The following TOP6BL variants were observed in gnomAD, a reference collection of about 807,000 sequenced individuals.
TOP6BL encodes type 2 DNA topoisomerase 6 subunit B-like.
the TOP6BL span, among the ~76,000 whole-genome samples, chr11:66,787,971 A>G: frequency 2.6e-4 from 39 of 152,360 alleles, no homozygotes; most frequent in African/African-American, 9.1e-4. Flanking sequence ...TCCTAATCCC[A>G]TAAAGTAATT....
chr11:66,826,411 G>C, the TOP6BL span, among the ~76,000 whole-genome samples: 1 of 152,042 alleles, frequency 6.6e-6, no homozygotes, highest in Non-Finnish European at 1.5e-5. Flanking sequence ...TGCTTATATA[G>C]TGGTTCAGTT....
chr11:66,841,966 A>T, the TOP6BL span, among the ~76,000 whole-genome samples: 16 of 152,132 alleles, frequency 1.1e-4, no homozygotes, highest in Non-Finnish European at 1.9e-4. Context: ...TAATACCGTC[A>T]CTTTGGGGAG....
chr11:66,838,221 G>C, the TOP6BL span: 3 of 643,080 alleles, frequency 4.7e-6, no homozygotes, highest in Non-Finnish European at 8.2e-6. Context: ...GGTGGGTAGG[G>C]GGATTCATGA....
At chr11:66,804,978 A>T in the TOP6BL span, among the ~76,000 whole-genome samples, 2 of 152,146 alleles carry the variant, frequency 1.3e-5, no homozygotes. Flanking sequence ...GAGGCAGGAT[A>T]ATCACTTGAA....
the TOP6BL span, among the ~76,000 whole-genome samples, chr11:66,805,707 G>A: frequency 1.3e-5 from 2 of 151,972 alleles, no homozygotes; most frequent in South Asian, 2.1e-4. Flanking sequence ...CACCAGGCTC[G>A]GCCTCCCAAA....
At chr11:66,817,068 T>G in the TOP6BL span, among the ~76,000 whole-genome samples, 2 of 152,008 alleles carry the variant, frequency 1.3e-5, no homozygotes, top group African/African-American at 4.8e-5. Context: ...CAGGAGAATC[T>G]CTTGAACCCA....
the TOP6BL span, among the ~76,000 whole-genome samples, chr11:66,816,824 T>C: frequency 6.6e-6 from 1 of 152,152 alleles, no homozygotes; most frequent in Non-Finnish European, 1.5e-5. Context: ...GTAATCTTCC[T>C]TCCTCGGCAT....
the TOP6BL span, chr11:66,804,041 C>G: frequency 6.2e-7 from 1 of 1,613,358 alleles, no homozygotes; most frequent in Non-Finnish European, 8.5e-7. Context: ...CAGAATTCAC[C>G]CTGTGCTAGG....
the TOP6BL span, among the ~76,000 whole-genome samples, chr11:66,784,567 CA>C: frequency 3.3e-5 from 5 of 152,226 alleles, no homozygotes; most frequent in Non-Finnish European, 7.3e-5. Context: ...TATGCCTTGG[CA>C]AACACTAATC....
the TOP6BL span, among the ~76,000 whole-genome samples, chr11:66,798,335 C>G: frequency 2.6e-5 from 4 of 152,182 alleles, no homozygotes; most frequent in Admixed American, 2.6e-4. Flanking sequence ...TGTGGTGGCT[C>G]ACACCTGTAA....
At chr11:66,772,770 A>C in the TOP6BL span, among the ~76,000 whole-genome samples, 1 of 152,196 alleles carries the variant, frequency 6.6e-6, no homozygotes, top group South Asian at 2.1e-4. Flanking sequence ...ATTTGCCATA[A>C]TTTTATTAAG....
chr11:66,836,713 T>TG, the TOP6BL span, among the ~76,000 whole-genome samples: 2 of 146,600 alleles, frequency 1.4e-5, no homozygotes, highest in African/African-American at 5.0e-5. Context: ...TTTTTTTTTT[T>TG]TTTTTGAGAT....
At chr11:66,781,932 A>G in the TOP6BL span, among the ~76,000 whole-genome samples, 2 of 152,270 alleles carry the variant, frequency 1.3e-5, no homozygotes, top group Middle Eastern at 3.4e-3. Flanking sequence ...ATACTGGGCA[A>G]TATGATCATA....
the TOP6BL span, among the ~76,000 whole-genome samples, chr11:66,837,262 G>C: frequency 6.6e-6 from 1 of 151,714 alleles, no homozygotes; most frequent in Admixed American, 6.6e-5. Flanking sequence ...GCATAGCTGG[G>C]ACTACAGGCG....
the TOP6BL span, among the ~76,000 whole-genome samples, chr11:66,825,616 T>G: frequency 1.3e-5 from 2 of 152,122 alleles, no homozygotes; most frequent in Non-Finnish European, 1.5e-5. Context: ...GCTGGCACTT[T>G]AATTTCAGAT....
chr11:66,752,142 CTTTTTT>C, the TOP6BL span, among the ~76,000 whole-genome samples: 1 of 137,902 alleles, frequency 7.3e-6, no homozygotes, highest in South Asian at 2.3e-4. Context: ...CCCTCTCTCT[CTTTTTT>C]TTTTTTTTTT....
chr11:66,769,604 A>G, the TOP6BL span, among the ~76,000 whole-genome samples: 4 of 152,136 alleles, frequency 2.6e-5, no homozygotes, highest in Non-Finnish European at 4.4e-5. Flanking sequence ...TTCATATGGT[A>G]AAGCCCCAAC....
At chr11:66,822,645 T>G in the TOP6BL span, 1 of 1,551,386 alleles carries the variant, frequency 6.4e-7, no homozygotes, top group Non-Finnish European at 8.7e-7. Context: ...TAGGAGCAGC[T>G]TCCGAAAGAT....
the TOP6BL span, among the ~76,000 whole-genome samples, chr11:66,793,446 T>TG: frequency 2.8e-3 from 387 of 137,250 alleles, 3 homozygotes; most frequent in African/African-American, 0.011. Context: ...CTTTTTTTGT[T>TG]TTTTTTTTTT....
Sources: allele counts gnomAD v4.1 joint callset (sites outside exome capture counted in the v4.1 genomes callset), GRCh38; gene constraint gnomAD v4.1.1; transcripts MANE v1.5; gene names NCBI Gene and HGNC (gene_info 2026-07-23, HGNC 2026-07-21).